Variants in BIN3 observed in about 807,000 individuals in gnomAD.
BIN3 encodes the protein bridging integrator 3.
Under a neutral mutation model 38.2 loss-of-function variants are expected in BIN3, and 41 were observed. The ratio of observed to expected loss-of-function variants is 1.07; its 90% CI spans 0.84 to 1.39. The LOEUF (loss-of-function observed/expected upper bound fraction) is 1.39. Among genes scored for constraint, BIN3 ranks in the 40% most tolerant of loss-of-function variants. BIN3 has a pLI of 0.00. For missense variants in BIN3, 361 were observed against 324.3 expected, an observed-to-expected ratio of 1.11 and a Z score of -0.87; for synonymous variants, 145 against 122.6, an observed-to-expected ratio of 1.18 and a Z score of -1.21.
chr8:22,638,750 G>T (rs917885752), intron 2 of BIN3, among the ~76,000 whole-genome samples: 1 of 152,156 alleles, frequency 6.6e-6, no homozygotes, highest in African/African-American at 2.4e-5. Flanking sequence ...CTTACTTTAT[G>T]ATCCTAGCAT....
At chr8:22,631,005 C>A (rs1010463808) in intron 4 of BIN3, among the ~76,000 whole-genome samples, 5 of 152,206 alleles carry the variant, frequency 3.3e-5, no homozygotes, top group African/African-American at 9.7e-5. Context: ...CCAGTTTACA[C>A]ATGCTTTTAC....
chr8:22,636,683 A>G, intron 3 of BIN3, 97 bp from the exon 4 acceptor site: 1 of 1,306,620 alleles, frequency 7.7e-7, no homozygotes, highest in South Asian at 1.3e-5. Flanking sequence ...AGGAGGAGAA[A>G]GGGATCTTCT....
chr8:22,664,540 T>C (rs561540257), intron 1 of BIN3, among the ~76,000 whole-genome samples: 2 of 152,348 alleles, frequency 1.3e-5, no homozygotes, highest in South Asian at 2.1e-4. Context: ...CTATCACTTA[T>C]GTGTGAAGAC....
At chr8:22,623,099 G>A (rs993282906) in intron 8 of BIN3, among the ~76,000 whole-genome samples, 40 of 152,368 alleles carry the variant, frequency 2.6e-4, no homozygotes, top group Admixed American at 1.7e-3. Flanking sequence ...AGGAGGGGCA[G>A]AGCCACAGGG....
chr8:22,625,228 A>T (rs1227916169), intron 6 of BIN3: 1 of 684,722 alleles, frequency 1.5e-6, no homozygotes, highest in African/African-American at 1.8e-5. Flanking sequence ...TCTAGTGACC[A>T]GGAGCAGTGC....
intron 1 of BIN3, among the ~76,000 whole-genome samples, chr8:22,658,244 T>TCCAA (rs1563982343): frequency 6.6e-6 from 1 of 152,058 alleles, no homozygotes; most frequent in Non-Finnish European, 1.5e-5. Flanking sequence ...CCTCCTCTTC[T>TCCAA]CCAACCCCCA....
intron 1 of BIN3, among the ~76,000 whole-genome samples, chr8:22,665,777 C>G (rs940758467): frequency 1.6e-4 from 25 of 152,134 alleles, no homozygotes; most frequent in Admixed American, 5.9e-4. Flanking sequence ...TGGCAAGGGA[C>G]TACAGGGTGA....
chr8:22,657,006 A>C (rs1194397573), intron 1 of BIN3, among the ~76,000 whole-genome samples: 1 of 152,244 alleles, frequency 6.6e-6, no homozygotes, highest in Non-Finnish European at 1.5e-5. Flanking sequence ...CCTGTTAAGT[A>C]CTGTACTAGG....
At chr8:22,626,979 G>A (rs1043484572) in intron 6 of BIN3, among the ~76,000 whole-genome samples, 1 of 152,186 alleles carries the variant, frequency 6.6e-6, no homozygotes, top group Non-Finnish European at 1.5e-5. Flanking sequence ...TGGCGTGGTG[G>A]TGTCTCCAGG....
intron 6 of BIN3, among the ~76,000 whole-genome samples, chr8:22,628,155 C>T (rs929511223): frequency 2.0e-5 from 3 of 152,174 alleles, no homozygotes; most frequent in South Asian, 2.1e-4. Flanking sequence ...TCTGTGCCCA[C>T]GCAGCCGGGA....
rs760381282 is a variant in BIN3 at position 22,621,402 on chromosome 8, C to T, written c.*20G>A. The T allele has an allele frequency of 1.2e-6, 2 of 1,607,968 alleles. No homozygotes were observed. The highest frequency in any genetic ancestry group is 1.7e-6 in the Non-Finnish European group (2 of 1,177,224). On this transcript the variant is annotated 3_prime_UTR_variant, in exon 9 of 9. Transcript: ENST00000276416. ...ATGAGGCTGACCACGTCACAGGAGT[C>T]CTCCAAGAGTGACGGGGATTCAGTC...
At chr8:22,658,267 C>CA (rs564008678) in intron 1 of BIN3, among the ~76,000 whole-genome samples, 26 of 151,722 alleles carry the variant, frequency 1.7e-4, no homozygotes, top group South Asian at 6.2e-4. Flanking sequence ...TGCCCCACCG[C>CA]AAAAAAGAAA....
chr8:22,626,605 G>C (rs1378747112), intron 6 of BIN3: 1 of 150,524 alleles, frequency 6.6e-6, no homozygotes, highest in African/African-American at 2.5e-5. Context: ...GAGCTGCCGG[G>C]TAGGTGCAGG....
At chr8:22,627,826 T>C (rs1190841865) in intron 6 of BIN3, among the ~76,000 whole-genome samples, 1 of 152,244 alleles carries the variant, frequency 6.6e-6, no homozygotes, top group Non-Finnish European at 1.5e-5. Context: ...CCCCGCTCCA[T>C]GGTCCTGCAC....
chr8:22,621,472 C>T lies in BIN3; in HGVS notation c.712G>A (p.Glu238Lys), dbSNP rs776519160. The change falls in exon 9 of 9, where the codon GAG becomes AAG. Residue 238 changes from glutamate to lysine, a missense_variant. By Grantham distance (56) the Glu-to-Lys change is moderately conservative. Coordinates refer to ENST00000276416, the MANE Select transcript of BIN3 (RefSeq NM_018688.6). ...HSDEQREREN[E>K]AKLSELRALS... Reference sequence around the variant, plus strand: ...GCCCGGAGCTCACTGAGTTTGGCCTCGTTCTCCCGCTCCCGCTGCTCATCG... The same window carrying T: ...GCCCGGAGCTCACTGAGTTTGGCCTTGTTCTCCCGCTCCCGCTGCTCATCG... 9.9e-6 allele frequency: 16 copies of T among 1,613,852 alleles called. No homozygotes were observed. Among genetic ancestry groups the T allele is most frequent in the South Asian group, 5.5e-5 (5 of 91,078 alleles).
intron 2 of BIN3, among the ~76,000 whole-genome samples, chr8:22,638,096 G>C (rs1175793477): frequency 6.6e-6 from 1 of 152,146 alleles, no homozygotes; most frequent in Non-Finnish European, 1.5e-5. Flanking sequence ...TGCTCCCTGG[G>C]AATCCTGTCC....
At chr8:22,641,107 C>T (rs1180485629) in intron 2 of BIN3, among the ~76,000 whole-genome samples, 3 of 152,144 alleles carry the variant, frequency 2.0e-5, no homozygotes, top group African/African-American at 4.8e-5. Context: ...AGCCTCATTC[C>T]GAGGAAAAGA....
chr8:22,639,891 C>T (rs1349274171), intron 2 of BIN3, among the ~76,000 whole-genome samples: 1 of 151,088 alleles, frequency 6.6e-6, no homozygotes, highest in Non-Finnish European at 1.5e-5. Flanking sequence ...GGCGGAGTTT[C>T]GCTCTTGTCA....
intron 1 of BIN3, among the ~76,000 whole-genome samples, chr8:22,667,959 A>T (rs939207228): frequency 9.8e-5 from 15 of 152,358 alleles, no homozygotes; most frequent in African/African-American, 3.6e-4. Flanking sequence ...ATCTTAATTC[A>T]TTCATAACTG....
Sources: allele counts gnomAD v4.1 joint callset (sites outside exome capture counted in the v4.1 genomes callset), GRCh38; gene constraint gnomAD v4.1.1; transcripts MANE v1.5; gene names NCBI Gene and HGNC (gene_info 2026-07-23, HGNC 2026-07-21).